DOCK1: variants seen among roughly 807,000 people sequenced by gnomAD.
DOCK1 encodes dedicator of cytokinesis protein 1.
In DOCK1, 138 loss-of-function variants were observed where a neutral mutation model predicts 262.7. The observed-to-expected ratio is 0.53, with a 90% CI of 0.46 to 0.61. DOCK1 has a LOEUF of 0.61. Among genes scored for constraint, DOCK1 ranks in the 20% least tolerant of loss-of-function variants. DOCK1 has a pLI of 0.00. For missense variants in DOCK1, 1,908 were observed against 2,370.7 expected (o/e 0.80, Z 4.05); for synonymous variants, 866 against 867.4 (o/e 1.00, Z 0.03).
At chr10:127,076,393 C>T (rs1275586966) in intron 23 of DOCK1, among the ~76,000 whole-genome samples, 41 of 152,156 alleles carry the variant, frequency 2.7e-4, no homozygotes, top group Admixed American at 2.6e-3. Context: ...CCCTGCTAAT[C>T]AGGAGACTGA....
chr10:127,434,893 C>T (rs1320166745), intron 48 of DOCK1, among the ~76,000 whole-genome samples: 2 of 152,114 alleles, frequency 1.3e-5, no homozygotes, highest in Non-Finnish European at 2.9e-5. Flanking sequence ...ACCTCATGAT[C>T]CGCCCGCCTC....
At chr10:127,127,800 T>G (rs777143016) in intron 27 of DOCK1, 36 bp downstream of exon 27, 1 of 1,570,888 alleles carries the variant, frequency 6.4e-7, no homozygotes, top group South Asian at 1.1e-5. Flanking sequence ...GATATTTAAC[T>G]GGGGCTGACA....
intron 31 of DOCK1, among the ~76,000 whole-genome samples, chr10:127,348,984 CAG>C (rs1477512718): frequency 6.6e-5 from 10 of 152,126 alleles, no homozygotes; most frequent in African/African-American, 2.4e-4. Flanking sequence ...GAAGGAGACT[CAG>C]GGAGTTAGAC....
chr10:127,121,236 T>C (rs2049542092), intron 25 of DOCK1, among the ~76,000 whole-genome samples: 1 of 151,876 alleles, frequency 6.6e-6, no homozygotes, highest in South Asian at 2.1e-4. Context: ...CTTTTTTTTT[T>C]TTTTTCTCCT....
Position 126,907,196 on chromosome 10 carries a change from G to A in DOCK1, c.46+1633G>A, listed in dbSNP as rs562403762. Among the ~76,000 whole-genome samples, 5 of 152,258 alleles carry A rather than the reference G, an allele frequency of 3.3e-5. No homozygotes were observed. The East Asian group carries it at 5.8e-4, about 18-fold the overall frequency. On this transcript the variant is annotated intron_variant, in intron 1 of 51. Transcript: ENST00000623213. ...TTGTGGCGACAGTGGGGGTCCCTGC[G>A]GGGGTAGTGTGTAGAGGAGAGAGCT...
intron 10 of DOCK1, among the ~76,000 whole-genome samples, chr10:127,006,638 TCTC>T (rs1461426929): frequency 6.6e-6 from 1 of 152,162 alleles, no homozygotes; most frequent in Non-Finnish European, 1.5e-5. Flanking sequence ...GTCAAGGCCT[TCTC>T]CTCGAGGCTC....
intron 30 of DOCK1, among the ~76,000 whole-genome samples, chr10:127,342,415 C>A (rs751717484): frequency 6.6e-6 from 1 of 152,196 alleles, no homozygotes; most frequent in African/African-American, 2.4e-5. Context: ...CATTCTGCTT[C>A]ATGTGTTACC....
At chr10:127,351,753 A>G (rs116074283) in intron 31 of DOCK1, among the ~76,000 whole-genome samples, 2,850 of 152,212 alleles carry the variant, frequency 0.019, 54 homozygotes, top group Middle Eastern at 0.051. Context: ...TGGCTTGGGA[A>G]GCCCCCTTGA....
At chr10:127,271,411 CCTGA>C (rs1172052317) in intron 29 of DOCK1, among the ~76,000 whole-genome samples, 1 of 152,118 alleles carries the variant, frequency 6.6e-6, no homozygotes, top group East Asian at 1.9e-4. Flanking sequence ...TTCAAGAAAG[CCTGA>C]CTGTGATATA....
At chr10:127,354,622 A>C in intron 31 of DOCK1, 47 bp from the exon 32 acceptor site, 1 of 1,609,874 alleles carries the variant, frequency 6.2e-7, no homozygotes, top group East Asian at 2.2e-5. Context: ...CCGATTTTCA[A>C]ATGCCTTCCG....
chr10:127,186,509 CCCCCCG>C lies in DOCK1; in HGVS notation c.2847+58751_2847+58756del, dbSNP rs1024200395. ...ATGATAACAGCATGGGAGAAACCGCCCCCCCGCCCCCCCCCGATCCAGTTACCTCCA... is the reference window on the plus strand; with the variant it reads ...ATGATAACAGCATGGGAGAAACCGCCCCCCCCCCCGATCCAGTTACCTCCA... On this transcript the variant is annotated intron_variant, in intron 27 of 51. Coordinates refer to ENST00000623213, the MANE Select transcript of DOCK1 (RefSeq NM_001290223.2). 5.8e-3 allele frequency among the ~76,000 whole-genome samples: 135 copies of C among 23,444 alleles called. 33 individuals are homozygous for C. Among genetic ancestry groups the C allele is most frequent in the Non-Finnish European group, 0.024 (94 of 3,948 alleles). 15.4% of individuals were successfully genotyped at this position (23,444 alleles called of 152,430 possible).
At chr10:127,253,653 C>A (rs370608981) in intron 28 of DOCK1, among the ~76,000 whole-genome samples, 25 of 152,032 alleles carry the variant, frequency 1.6e-4, no homozygotes, top group African/African-American at 6.0e-4. Context: ...GCAGAAAGAT[C>A]TATTGAGCCC....
chr10:127,066,376 T>C (rs377593772), intron 23 of DOCK1, among the ~76,000 whole-genome samples: 36 of 152,328 alleles, frequency 2.4e-4, no homozygotes, highest in African/African-American at 7.9e-4. Flanking sequence ...AACCGTTTCC[T>C]GCATGCTGAT....
intron 29 of DOCK1, among the ~76,000 whole-genome samples, chr10:127,265,033 G>A (rs2060304730): frequency 6.6e-6 from 1 of 152,182 alleles, no homozygotes; most frequent in Admixed American, 6.5e-5. Context: ...AATCAGTTGA[G>A]AATTCAAAAT....
At chr10:127,286,027 T>C (rs1199838566) in intron 29 of DOCK1, among the ~76,000 whole-genome samples, 1 of 152,160 alleles carries the variant, frequency 6.6e-6, no homozygotes, top group Non-Finnish European at 1.5e-5. Context: ...AGCATGCCCT[T>C]TTTCCAGCTG....
chr10:127,084,546 G>C (rs1175502832), intron 23 of DOCK1, among the ~76,000 whole-genome samples: 1 of 152,206 alleles, frequency 6.6e-6, no homozygotes, highest in Admixed American at 6.5e-5. Flanking sequence ...TTGCCTGCCT[G>C]GGAATAGGAG....
At chr10:127,144,833 T>C (rs1037725641) in intron 27 of DOCK1, among the ~76,000 whole-genome samples, 1 of 152,206 alleles carries the variant, frequency 6.6e-6, no homozygotes, top group African/African-American at 2.4e-5. Context: ...ATGTTTATGG[T>C]ATCACTGTAG....
chr10:127,283,133 C>T (rs2061022657), intron 29 of DOCK1, among the ~76,000 whole-genome samples: 1 of 152,216 alleles, frequency 6.6e-6, no homozygotes, highest in Admixed American at 6.5e-5. Flanking sequence ...TGGAAGGAGG[C>T]CTTGAAGGCC....
intron 47 of DOCK1, among the ~76,000 whole-genome samples, chr10:127,429,711 G>T (rs2069147989): frequency 6.6e-6 from 1 of 152,266 alleles, no homozygotes; most frequent in African/African-American, 2.4e-5. Context: ...GAGCTCTGCA[G>T]CCCAGCTTCT....
Sources: allele counts gnomAD v4.1 joint callset (sites outside exome capture counted in the v4.1 genomes callset), GRCh38; gene constraint gnomAD v4.1.1; transcripts MANE v1.5; gene names NCBI Gene and HGNC (gene_info 2026-07-23, HGNC 2026-07-21).